The following TAF4B variants were observed in gnomAD, a reference collection of about 807,000 sequenced individuals.
TAF4B encodes transcription initiation factor TFIID subunit 4B.
A neutral mutation model predicts 86.4 loss-of-function variants in TAF4B; 38 were observed. That is an observed-to-expected ratio of 0.44 (90% CI 0.34 to 0.58). TAF4B has a LOEUF of 0.58. Ranked by LOEUF, TAF4B falls within the 20% of genes least tolerant of loss-of-function variation. TAF4B has a pLI of 0.02. For synonymous variants in TAF4B, 388 were observed against 391.2 expected (o/e 0.99, Z 0.10); for missense variants, 988 against 1,027.6 (o/e 0.96, Z 0.53).
intron 9 of TAF4B, among the ~76,000 whole-genome samples, chr18:26,312,292 A>T (rs1194126261): frequency 6.6e-6 from 1 of 152,190 alleles, no homozygotes. Flanking sequence ...ATGCTGCTAG[A>T]ACACTGCTTT....
At chr18:26,317,099 G>A (rs1836525569) in intron 10 of TAF4B, among the ~76,000 whole-genome samples, 2 of 147,404 alleles carry the variant, frequency 1.4e-5, no homozygotes, top group East Asian at 2.0e-4. Context: ...GCACGATCTC[G>A]GCTCACTATA....
intron 14 of TAF4B, among the ~76,000 whole-genome samples, chr18:26,389,162 G>A (rs1489546070): frequency 1.3e-5 from 2 of 152,176 alleles, no homozygotes; most frequent in Non-Finnish European, 2.9e-5. Context: ...CAACTTTGCT[G>A]TGTGACCTTG....
intron 10 of TAF4B, among the ~76,000 whole-genome samples, chr18:26,318,292 T>C (rs945885191): frequency 3.3e-5 from 5 of 152,122 alleles, no homozygotes; most frequent in Non-Finnish European, 5.9e-5. Flanking sequence ...TTCTTAGTGA[T>C]GAAGTACAAA....
chr18:26,227,161 C>T lies in TAF4B; in HGVS notation c.228C>T (p.Val76=), dbSNP rs375315702. ...CCCTGGTGACCAAAGTGGCTCCGGTCAGCGCCCCTCCTAAAGTCAGCAGCG... is the reference window on the plus strand; with the variant it reads ...CCCTGGTGACCAAAGTGGCTCCGGTTAGCGCCCCTCCTAAAGTCAGCAGCG... The part of the protein sequence containing the change: ...VGTLVTKVAP[V]SAPPKVSSGP... Residue 76 remains valine (V), a synonymous_variant, in exon 1 of 15, where the codon GTC becomes GTT. Transcript: ENST00000269142. 4 of 1,614,020 alleles carry T rather than the reference C, an allele frequency of 2.5e-6. No homozygotes were observed. Among genetic ancestry groups the T allele is most frequent in the Non-Finnish European group, 3.4e-6 (4 of 1,180,012 alleles).
chr18:26,276,236 T>TATA (rs1443784237), intron 5 of TAF4B, among the ~76,000 whole-genome samples: 1 of 152,258 alleles, frequency 6.6e-6, no homozygotes, highest in East Asian at 1.9e-4. Flanking sequence ...GATGTTTATA[T>TATA]GAGTGCCAAG....
intron 10 of TAF4B, 145 bp from the exon 11 acceptor site, chr18:26,320,925 T>G: frequency 1.1e-6 from 1 of 945,334 alleles, no homozygotes; most frequent in Non-Finnish European, 1.5e-6. Context: ...TCTTTGAAGT[T>G]GTGACTTTAC....
At chr18:26,345,017 G>A (rs533366941) in intron 13 of TAF4B, among the ~76,000 whole-genome samples, 1 of 152,128 alleles carries the variant, frequency 6.6e-6, no homozygotes, top group Non-Finnish European at 1.5e-5. Context: ...CTTACTACAG[G>A]AGAATCCCAC....
At chr18:26,384,816 AC>A (rs1978315939) in intron 14 of TAF4B, among the ~76,000 whole-genome samples, 1 of 152,178 alleles carries the variant, frequency 6.6e-6, no homozygotes, top group Admixed American at 6.5e-5. Context: ...AATTAGTGTT[AC>A]TATCCCTATT....
Position 26,285,224 on chromosome 18 carries a change from T to TTTTTG in TAF4B, c.973-654_973-653insGTTTT, listed in dbSNP as rs2056503291. Among the ~76,000 whole-genome samples the TTTTTG allele has an allele frequency of 1.6e-5, 2 of 122,806 alleles. 1 individual carries two copies. 80.6% of individuals were successfully genotyped at this position (122,806 alleles called of 152,430 possible). A position where few individuals can be genotyped will look rare whatever the true frequency, so the allele number is the denominator to read the frequency against. ...TTCTTCCTTTCCTTTTTTTTTTTGTTTTTTTTTTTTTTGGAGATGGGGTCT... is the reference window on the plus strand; with the variant it reads ...TTCTTCCTTTCCTTTTTTTTTTTGTTTTTTGTTTTTTTTTTTTGGAGATGGGGTCT... On this transcript the variant is annotated intron_variant, in intron 6 of 14. Coordinates refer to ENST00000269142, the MANE Select transcript of TAF4B (RefSeq NM_005640.3).
In TAF4B at chr18:26,281,270, AT is replaced by A. The variant is rs34258444; in HGVS notation, c.883-691del. Among the ~76,000 whole-genome samples the A allele has an allele frequency of 3.7e-4, 56 of 150,502 alleles. No homozygotes were observed. In the East Asian group the frequency reaches 5.4e-3, roughly 15 times the overall value. On this transcript the variant is annotated intron_variant, in intron 5 of 14. Transcript: ENST00000269142. ...CTCTTGAATCTAAAATAAAAGCTGA[AT>A]TTTTTTTTTAATCTAAGATCATAGT...
intron 12 of TAF4B, among the ~76,000 whole-genome samples, chr18:26,334,393 A>G (rs2144696535): frequency 6.6e-6 from 1 of 152,358 alleles, no homozygotes; most frequent in Middle Eastern, 3.4e-3. Context: ...ACAAATACTC[A>G]GATTTATAAG....
At chr18:26,241,424 G>T (rs2055836818) in intron 1 of TAF4B, among the ~76,000 whole-genome samples, 2 of 152,056 alleles carry the variant, frequency 1.3e-5, no homozygotes, top group African/African-American at 4.8e-5. Context: ...TGGGGTTGAT[G>T]GTGATATCCC....
In TAF4B at chr18:26,282,076, A is replaced by T; in HGVS notation, c.972+16A>T. On this transcript the variant is annotated intron_variant, in intron 6 of 14. Coordinates refer to ENST00000269142, the MANE Select transcript of TAF4B (RefSeq NM_005640.3). ...TTTTCTTAAGGTAGAGTTATGTGTC[A>T]CTTAGAAGAAATAATTTGGATTAGA... 1 of 1,568,138 alleles carries T rather than the reference A, an allele frequency of 6.4e-7. No individual in the cohort carries two copies.
At chr18:26,317,917 A>G (rs1199508666) in intron 10 of TAF4B, among the ~76,000 whole-genome samples, 1 of 152,220 alleles carries the variant, frequency 6.6e-6, no homozygotes, top group African/African-American at 2.4e-5. Context: ...ATGCAACTGT[A>G]TCCCCGTAAA....
At chr18:26,359,517 A>G (rs2057314350) in intron 14 of TAF4B, among the ~76,000 whole-genome samples, 1 of 152,218 alleles carries the variant, frequency 6.6e-6, no homozygotes, top group Non-Finnish European at 1.5e-5. Flanking sequence ...ATTATATAGC[A>G]TAGTAGAACT....
chr18:26,294,252 T>A (rs1352572778), intron 9 of TAF4B, among the ~76,000 whole-genome samples: 1 of 152,162 alleles, frequency 6.6e-6, no homozygotes, highest in Non-Finnish European at 1.5e-5. Flanking sequence ...ATGAGCGTTC[T>A]AGTTCCTGTC....
chr18:26,334,943 A>T (rs1053172520), intron 12 of TAF4B, among the ~76,000 whole-genome samples: 6 of 152,126 alleles, frequency 3.9e-5, no homozygotes, highest in Non-Finnish European at 7.4e-5. Context: ...TGACATCGTT[A>T]GCATCATTTT....
chr18:26,340,700 A>G (rs1364388802), intron 13 of TAF4B, among the ~76,000 whole-genome samples: 1 of 152,134 alleles, frequency 6.6e-6, no homozygotes, highest in African/African-American at 2.4e-5. Context: ...TGTTGCTGCT[A>G]TTGCTGCTGC....
chr18:26,234,247 G>A (rs553219600), intron 1 of TAF4B, among the ~76,000 whole-genome samples: 3 of 152,336 alleles, frequency 2.0e-5, no homozygotes, highest in Admixed American at 1.3e-4. Flanking sequence ...TGGCCTCAGC[G>A]TCTGCCTGAC....
Sources: allele counts gnomAD v4.1 joint callset (sites outside exome capture counted in the v4.1 genomes callset), GRCh38; gene constraint gnomAD v4.1.1; transcripts MANE v1.5; gene names NCBI Gene and HGNC (gene_info 2026-07-23, HGNC 2026-07-21).